Variants in RNF19A observed in about 807,000 individuals in gnomAD.
RNF19A encodes the protein ring finger protein 19A, RBR E3 ubiquitin protein ligase.
In RNF19A, 32 loss-of-function variants were observed where a neutral mutation model predicts 75.7. That is an observed-to-expected ratio of 0.42 (90% CI 0.32 to 0.57). The LOEUF (loss-of-function observed/expected upper bound fraction) is 0.57, where lower values mean the gene tolerates loss of function less well. RNF19A is among the 20% of genes least tolerant of loss of function. The probability of loss-of-function intolerance (pLI) is 0.10; values close to 1 mark genes in which losing one functional copy is unlikely to be tolerated. For synonymous variants in RNF19A, 335 were observed against 345.2 expected (o/e 0.97, Z 0.33); for missense variants, 782 against 1,036.3 (o/e 0.75, Z 3.37).
Position 100,275,022 on chromosome 8 carries a change from C to A in RNF19A, c.814G>T (p.Ala272Ser), listed in dbSNP as rs1430870164. 2 of 1,614,158 alleles carry A rather than the reference C, an allele frequency of 1.2e-6. No homozygotes were observed. Among genetic ancestry groups the A allele is most frequent in the Non-Finnish European group, 1.7e-6 (2 of 1,180,028 alleles). The stretch of plus-strand genomic sequence containing the variant: ...ATAGTTCTCAAACGTAAGCTCTGGG[C>A]TCTCTCTTGTCGAGCAGCATCACAG... ...QTCDAARQERAQSLRLRTIRS... is the reference protein window; with the variant it reads ...QTCDAARQERSQSLRLRTIRS... Residue 272 changes from alanine to serine, a missense_variant, in exon 3 of 10, where the codon GCC (alanine) becomes TCC (serine). This residue lies in a region of RNF19A where 34 missense variants were observed against 25.2 expected (regional missense o/e 1.35). Transcript: ENST00000341084. The surrounding 1 kb of genome is among the most constrained non-coding windows in gnomAD (Gnocchi z 4.3).
intron 1 of RNF19A, among the ~76,000 whole-genome samples, chr8:100,288,478 T>G (rs575008748): frequency 2.0e-5 from 3 of 152,310 alleles, no homozygotes; most frequent in African/African-American, 7.2e-5. Context: ...TAATAAAAGA[T>G]TCTAGATTTG....
chr8:100,278,313 T>A (rs1043812003), intron 2 of RNF19A, among the ~76,000 whole-genome samples: 1 of 152,258 alleles, frequency 6.6e-6, no homozygotes, highest in African/African-American at 2.4e-5. Context: ...ATAAGTAATA[T>A]AAATAATGTG....
intron 1 of RNF19A, among the ~76,000 whole-genome samples, chr8:100,306,884 A>C (rs1018146469): frequency 3.9e-5 from 6 of 152,216 alleles, no homozygotes; most frequent in African/African-American, 1.2e-4. Flanking sequence ...TTCCTAAGTA[A>C]AGAAAAATTT....
intron 1 of RNF19A, among the ~76,000 whole-genome samples, chr8:100,328,837 G>A (rs1369876963): frequency 6.6e-6 from 1 of 152,200 alleles, no homozygotes; most frequent in Non-Finnish European, 1.5e-5. Context: ...CCAAATAGAA[G>A]AAGCAGGTTA....
intron 2 of RNF19A, among the ~76,000 whole-genome samples, chr8:100,277,860 C>T (rs1788196): frequency 0.46 from 69,834 of 151,884 alleles, 16,978 homozygotes; most frequent in African/African-American, 0.63. Context: ...AAAACAATAA[C>T]GTCAGTGAAA....
chr8:100,262,024 A>C (rs1819742270), intron 7 of RNF19A, among the ~76,000 whole-genome samples: 1 of 152,310 alleles, frequency 6.6e-6, no homozygotes, highest in South Asian at 2.1e-4. Flanking sequence ...TTAGAGGAAA[A>C]TTATGTGACA....
intron 5 of RNF19A, 189 bp downstream of exon 5, chr8:100,268,596 C>T (rs993199077): frequency 5.4e-5 from 21 of 387,906 alleles, no homozygotes; most frequent in African/African-American, 2.2e-4. Flanking sequence ...CTGCTTTATA[C>T]GTATTTATAT....
In RNF19A at chr8:100,275,974, T is replaced by C. The variant is rs549928628; in HGVS notation, c.675-813A>G. The stretch of plus-strand genomic sequence containing the variant: ...CTCCTGCCAAAAAATAAAAAAAAAC[T>C]GTTTTTTTTTCCTTCGGATTAAAGA... On this transcript the variant is annotated intron_variant, in intron 2 of 9. Transcript: ENST00000341084. This position sits in a 1 kb window ranked among gnomAD's most constrained non-coding sequence, Gnocchi z 4.3. Among the ~76,000 whole-genome samples, 2 of 151,972 alleles carry C rather than the reference T, an allele frequency of 1.3e-5. No homozygotes were observed. Among genetic ancestry groups the C allele is most frequent in the African/African-American group, 4.8e-5 (2 of 41,292 alleles).
intron 3 of RNF19A, among the ~76,000 whole-genome samples, chr8:100,273,902 C>G (rs1269674554): frequency 1.3e-5 from 2 of 152,148 alleles, no homozygotes; most frequent in Admixed American, 6.5e-5. Context: ...CCTGCCTCAC[C>G]TCCCGAGTAG....
chr8:100,284,864 C>G lies in RNF19A; in HGVS notation c.674+2637G>C, dbSNP rs11994322. On this transcript the variant is annotated intron_variant, in intron 2 of 9. Transcript: ENST00000341084. The surrounding 1 kb of genome is among the most constrained non-coding windows in gnomAD (Gnocchi z 4.3). ...ATTATCAGCAGGATGATCATTAACT[C>G]ACAATCTAAATTGGAACACTTGAGA... Among the ~76,000 whole-genome samples, 8,852 of 152,076 alleles carry G rather than the reference C, an allele frequency of 0.058. 857 individuals are homozygous for G. Among genetic ancestry groups the G allele is most frequent in the African/African-American group, 0.2 (8,269 of 41,454 alleles).
chr8:100,272,504 T>C (rs1190624124), intron 3 of RNF19A, among the ~76,000 whole-genome samples: 1 of 152,040 alleles, frequency 6.6e-6, no homozygotes, highest in Non-Finnish European at 1.5e-5. Context: ...CTTTTTAACT[T>C]TCTACGAGTC....
intron 1 of RNF19A, among the ~76,000 whole-genome samples, chr8:100,304,568 T>C (rs1821989355): frequency 6.6e-6 from 1 of 152,216 alleles, no homozygotes; most frequent in Admixed American, 6.5e-5. Flanking sequence ...TGATTTTATT[T>C]AAGGATGCCT....
intron 3 of RNF19A, among the ~76,000 whole-genome samples, chr8:100,270,894 A>T (rs1563839232): frequency 6.6e-6 from 1 of 152,156 alleles, no homozygotes; most frequent in Admixed American, 6.5e-5. Context: ...ACTTTAGGAA[A>T]ATTATACAAC....
chr8:100,325,055 T>TGC lies in RNF19A; in HGVS notation c.-243+11052_-243+11053insGC. 6.6e-6 allele frequency among the ~76,000 whole-genome samples: 1 copy of TGC among 152,150 alleles called. No individual in the cohort carries two copies. The highest frequency in any genetic ancestry group is 1.5e-5 in the Non-Finnish European group (1 of 68,008). ...TCGAGTAGCTGGAATTACAGGTGCCTACCACCACAACCGGCTAATTTTTTG... is the reference window on the plus strand; with the variant it reads ...TCGAGTAGCTGGAATTACAGGTGCCTGCACCACCACAACCGGCTAATTTTTTG... On this transcript the variant is annotated intron_variant, in intron 1 of 3. Transcript: ENST00000519527. This position sits in a 1 kb window ranked among gnomAD's most constrained non-coding sequence, Gnocchi z 4.3.
intron 2 of RNF19A, among the ~76,000 whole-genome samples, chr8:100,276,723 C>CAAAAAAAAAAAAAAAAAAAA (rs60419107): frequency 1.2e-5 from 1 of 80,598 alleles, no homozygotes; most frequent in Admixed American, 1.4e-4. Context: ...ACCACTGTAC[C>CAAAAAAAAAAAAAAAAAAAA]AAAAAAAAAA....
intron 1 of RNF19A, among the ~76,000 whole-genome samples, chr8:100,326,614 T>A: frequency 6.6e-6 from 1 of 152,172 alleles, no homozygotes; most frequent in East Asian, 1.9e-4. Flanking sequence ...GACCCCCTTA[T>A]CCACCTTTGT....
rs141277914 is a variant in RNF19A at position 100,323,792 on chromosome 8, C to A, written c.-242-10420G>T. Among the ~76,000 whole-genome samples, 1 of 152,100 alleles carries A rather than the reference C, an allele frequency of 6.6e-6. No individual in the cohort carries two copies. Among genetic ancestry groups the A allele is most frequent in the African/African-American group, 2.4e-5 (1 of 41,414 alleles). Reference sequence around the variant, plus strand: ...TAGGGCTGGAAGGGAAAATTTAGGGCCCTGTGTTAACTTGTTGAAATTCAT... The same window carrying A: ...TAGGGCTGGAAGGGAAAATTTAGGGACCTGTGTTAACTTGTTGAAATTCAT... On this transcript the variant is annotated intron_variant, in intron 1 of 3. Coordinates refer to the RNF19A transcript ENST00000519527. This position sits in a 1 kb window ranked among gnomAD's most constrained non-coding sequence, Gnocchi z 4.6.
Position 100,322,541 on chromosome 8 carries a change from T to G in RNF19A, c.-242-9169A>C, listed in dbSNP as rs1386280676. On this transcript the variant is annotated intron_variant, in intron 1 of 3. Transcript: ENST00000519527. This position sits in a 1 kb window ranked among gnomAD's most constrained non-coding sequence, Gnocchi z 5.1. The stretch of plus-strand genomic sequence containing the variant: ...CAATAAGGCTGTTTCATTTATGAGT[T>G]CACTGGAGTAGCAATTTTAACATCC... 6.6e-6 allele frequency among the ~76,000 whole-genome samples: 1 copy of G among 152,262 alleles called. No individual in the cohort carries two copies. The highest frequency in any genetic ancestry group is 2.4e-5 in the African/African-American group (1 of 41,486).
rs568584395 is a variant in RNF19A, at chr8:100,331,792, A to G, written c.-243+4316T>C. ...CGTTTCATATGTATTGATCAAAAGCAAGTCTGTGCACATACAAATAAATCT... is the reference window on the plus strand; with the variant it reads ...CGTTTCATATGTATTGATCAAAAGCGAGTCTGTGCACATACAAATAAATCT... On this transcript the variant is annotated intron_variant, in intron 1 of 3. Transcript: ENST00000519527. This position sits in a 1 kb window ranked among gnomAD's most constrained non-coding sequence, Gnocchi z 5.2. 6.6e-6 allele frequency among the ~76,000 whole-genome samples: 1 copy of G among 152,332 alleles called. No individual in the cohort carries two copies. Among genetic ancestry groups the G allele is most frequent in the South Asian group, 2.1e-4 (1 of 4,820 alleles).
Sources: allele counts gnomAD v4.1 joint callset (sites outside exome capture counted in the v4.1 genomes callset), GRCh38; gene constraint gnomAD v4.1.1; regional missense constraint gnomAD v4.1.1; non-coding constraint Gnocchi (gnomAD v3.1); transcripts MANE v1.5; gene names NCBI Gene and HGNC (gene_info 2026-07-23, HGNC 2026-07-21).